ARMH4: variants seen among roughly 807,000 people sequenced by gnomAD.
The protein encoded by ARMH4 is armadillo like helical domain containing 4.
A neutral mutation model predicts 61.9 loss-of-function variants in ARMH4; 49 were observed. That is an observed-to-expected ratio of 0.79 (90% CI 0.63 to 1.00). ARMH4 has a LOEUF of 1.00. ARMH4 is among the 50% of genes least tolerant of loss of function. ARMH4 has a pLI of 0.00. For missense variants in ARMH4, 934 were observed against 930.0 expected (o/e 1.00, Z -0.06); for synonymous variants, 368 against 341.5 (o/e 1.08, Z -0.85).
At chr14:58,070,611 G>T (rs1016248448) in intron 5 of ARMH4, among the ~76,000 whole-genome samples, 1 of 152,108 alleles carries the variant, frequency 6.6e-6, no homozygotes, top group Non-Finnish European at 1.5e-5. Context: ...TGTACAATTA[G>T]GCCTTTCACT....
intron 5 of ARMH4, among the ~76,000 whole-genome samples, chr14:58,021,999 T>C (rs1445885010): frequency 6.6e-6 from 1 of 152,048 alleles, no homozygotes; most frequent in Non-Finnish European, 1.5e-5. Context: ...ACCACAAACA[T>C]AGTGGAATAA....
At chr14:58,068,204 G>A (rs575699726) in intron 5 of ARMH4, among the ~76,000 whole-genome samples, 9 of 152,200 alleles carry the variant, frequency 5.9e-5, no homozygotes, top group Non-Finnish European at 1.2e-4. Context: ...TCCACGATGG[G>A]AGGAGTTATC....
chr14:58,041,402 T>C (rs904814435), intron 5 of ARMH4, among the ~76,000 whole-genome samples: 1 of 152,080 alleles, frequency 6.6e-6, no homozygotes, highest in Non-Finnish European at 1.5e-5. Flanking sequence ...GCTGAGAGAT[T>C]TTCTCAACAC....
At chr14:58,103,681 T>C (rs1886076773) in intron 4 of ARMH4, among the ~76,000 whole-genome samples, 2 of 152,018 alleles carry the variant, frequency 1.3e-5, no homozygotes, top group East Asian at 3.9e-4. Context: ...CTCAACCTCC[T>C]GGGTTCAATT....
chr14:58,115,456 G>T (rs1886486886), intron 4 of ARMH4, among the ~76,000 whole-genome samples: 1 of 152,150 alleles, frequency 6.6e-6, no homozygotes, highest in Non-Finnish European at 1.5e-5. Context: ...AAAAGGGAAT[G>T]CTTGTACACT....
intron 5 of ARMH4, among the ~76,000 whole-genome samples, chr14:58,060,888 G>A (rs560796416): frequency 4.6e-5 from 7 of 152,198 alleles, no homozygotes; most frequent in East Asian, 3.9e-4. Flanking sequence ...TAATGCTTGC[G>A]GTGGTCACAA....
chr14:58,137,087 T>A (rs1012472230), intron 2 of ARMH4, among the ~76,000 whole-genome samples: 1 of 152,228 alleles, frequency 6.6e-6, no homozygotes, highest in Non-Finnish European at 1.5e-5. Flanking sequence ...TTCTTTCACA[T>A]TTTCTTGTAT....
At chr14:58,109,964 G>C (rs1886296139) in intron 4 of ARMH4, among the ~76,000 whole-genome samples, 1 of 152,148 alleles carries the variant, frequency 6.6e-6, no homozygotes, top group Non-Finnish European at 1.5e-5. Flanking sequence ...GTGTGAAGAA[G>C]GAACTGTCCA....
At chr14:58,082,634 C>G (rs1374356569) in intron 5 of ARMH4, among the ~76,000 whole-genome samples, 1 of 152,174 alleles carries the variant, frequency 6.6e-6, no homozygotes, top group Non-Finnish European at 1.5e-5. Flanking sequence ...CATTTTTCTT[C>G]CCCAGCATAT....
At chr14:58,109,365 GA>G (rs1886272202) in intron 4 of ARMH4, among the ~76,000 whole-genome samples, 1 of 152,140 alleles carries the variant, frequency 6.6e-6, no homozygotes, top group Non-Finnish European at 1.5e-5. Context: ...AATTGTCCCA[GA>G]ACTTTTTGTT....
At chr14:58,067,464 G>T (rs1362030576) in intron 5 of ARMH4, among the ~76,000 whole-genome samples, 1 of 152,170 alleles carries the variant, frequency 6.6e-6, no homozygotes, top group Non-Finnish European at 1.5e-5. Context: ...ACTGGTGAAA[G>T]AAGTGGGGAG....
At chr14:58,017,811 A>C (rs148245475) in intron 5 of ARMH4, among the ~76,000 whole-genome samples, 1,842 of 152,320 alleles carry the variant, frequency 0.012, 15 homozygotes, top group Admixed American at 0.017. Flanking sequence ...AAAATAGCTA[A>C]AGCAATCTTC....
At chr14:58,046,499 G>T (rs1275707956) in intron 5 of ARMH4, among the ~76,000 whole-genome samples, 2 of 152,198 alleles carry the variant, frequency 1.3e-5, no homozygotes, top group African/African-American at 4.8e-5. Context: ...CGAAGATGAA[G>T]ACACGGAATC....
chr14:58,081,020 T>A (rs1380535251), intron 5 of ARMH4, among the ~76,000 whole-genome samples: 1 of 151,960 alleles, frequency 6.6e-6, no homozygotes, highest in East Asian at 1.9e-4. Flanking sequence ...GAGAATCACT[T>A]GAACCTGAGA....
intron 4 of ARMH4, among the ~76,000 whole-genome samples, chr14:58,117,585 A>G (rs1886572340): frequency 6.6e-6 from 1 of 152,092 alleles, no homozygotes; most frequent in South Asian, 2.1e-4. Context: ...TTTGTGCCCC[A>G]CTTCCCAGGA....
intron 4 of ARMH4, among the ~76,000 whole-genome samples, chr14:58,129,257 T>TTATCGC (rs1566593874): frequency 6.6e-6 from 1 of 152,154 alleles, no homozygotes; most frequent in Non-Finnish European, 1.5e-5. Flanking sequence ...GGGCTGTTAG[T>TTATCGC]TATCGCTTAA....
At chr14:58,091,917 T>C (rs1335414066) in intron 5 of ARMH4, among the ~76,000 whole-genome samples, 1 of 152,210 alleles carries the variant, frequency 6.6e-6, no homozygotes, top group African/African-American at 2.4e-5. Flanking sequence ...CACAATTCCC[T>C]GCAGCAAGAT....
intron 1 of ARMH4, among the ~76,000 whole-genome samples, chr14:58,140,682 C>G (rs893321292): frequency 6.6e-6 from 1 of 152,038 alleles, no homozygotes; most frequent in East Asian, 1.9e-4. Flanking sequence ...GGGCGGATCA[C>G]CTGAGGTCAG....
intron 5 of ARMH4, among the ~76,000 whole-genome samples, chr14:58,027,106 G>A (rs1883047161): frequency 6.6e-6 from 1 of 152,082 alleles, no homozygotes; most frequent in African/African-American, 2.4e-5. Context: ...CACAATAATG[G>A]GCAAATACCA....
Sources: gnomAD v4.1 joint callset for allele counts (sites outside exome capture counted in the v4.1 genomes callset) on GRCh38, gnomAD v4.1.1 for gene constraint, MANE v1.5 for transcripts, NCBI Gene and HGNC (gene_info 2026-07-23, HGNC 2026-07-21) for gene names.